The following RIMS2 variants were observed in gnomAD, a reference collection of about 807,000 sequenced individuals.
RIMS2 encodes regulating synaptic membrane exocytosis 2.
Under a neutral mutation model 174.4 loss-of-function variants are expected in RIMS2, and 59 were observed. The observed-to-expected ratio is 0.34, with a 90% CI of 0.27 to 0.42. The LOEUF (loss-of-function observed/expected upper bound fraction) is 0.42. Ranked by LOEUF, RIMS2 falls within the 10% of genes least tolerant of loss-of-function variation. RIMS2 has a pLI of 1.00. For synonymous variants in RIMS2, 606 were observed against 572.5 expected, an observed-to-expected ratio of 1.06 and a Z score of -0.84; for missense variants, 1,620 against 1,666.3, an observed-to-expected ratio of 0.97 and a Z score of 0.48.
intron 3 of RIMS2, among the ~76,000 whole-genome samples, chr8:103,810,248 G>A (rs1337287518): frequency 2.0e-5 from 3 of 152,112 alleles, no homozygotes; most frequent in African/African-American, 4.8e-5. Flanking sequence ...CTCCTTAGAA[G>A]CAATTGTATT....
chr8:103,936,730 GA>G lies in RIMS2; in HGVS notation c.2547+9del. On this transcript the variant is annotated intron_variant, in intron 13 of 23. Transcript: ENST00000504942. ...AGTGAATTCTTAGGCGAGGTATCTGGAGTTGTTTTAAAGTTTATGCTATTCA... is the reference window on the plus strand; with the variant it reads ...AGTGAATTCTTAGGCGAGGTATCTGGGTTGTTTTAAAGTTTATGCTATTCA... 6.3e-7 allele frequency: 1 copy of G among 1,592,172 alleles called. No homozygotes were observed.
At chr8:103,811,407 A>G (rs11774671) in intron 3 of RIMS2, among the ~76,000 whole-genome samples, 19,901 of 152,052 alleles carry the variant, frequency 0.13, 1,763 homozygotes, top group Non-Finnish European at 0.2. Flanking sequence ...CAAGAAATAT[A>G]TTTCTGCTGT....
intron 16 of RIMS2, among the ~76,000 whole-genome samples, chr8:103,979,585 G>C (rs889166764): frequency 6.6e-6 from 1 of 152,178 alleles, no homozygotes; most frequent in African/African-American, 2.4e-5. Flanking sequence ...AATTTTACCA[G>C]CTATCTGCAC....
chr8:103,936,693 C>G lies in RIMS2; in HGVS notation c.2518C>G (p.Arg840Gly), dbSNP rs561377229. Residue 840 changes from arginine to glycine, a missense_variant, in exon 13 of 24, where the codon CGA (arginine) becomes GGA (glycine). Transcript: ENST00000504942. Reference sequence around the variant, plus strand: ...TACCCTTTGGGATCAAGCTCGTGTTCGAGAGGAAGAAAGTGAATTCTTAGG... The same window carrying G: ...TACCCTTTGGGATCAAGCTCGTGTTGGAGAGGAAGAAAGTGAATTCTTAGG... 3.1e-6 allele frequency: 5 copies of G among 1,606,562 alleles called. No homozygotes were observed. In the East Asian group the frequency reaches 9.0e-5, roughly 29 times the overall value.
At chr8:104,251,419 C>T (rs2099358793) in intron 23 of RIMS2, among the ~76,000 whole-genome samples, 183 bp from the exon 30 acceptor site, 1 of 152,212 alleles carries the variant, frequency 6.6e-6, no homozygotes, top group African/African-American at 2.4e-5. Flanking sequence ...TGCTTCAGTA[C>T]AATTTCCCCA....
At chr8:103,964,680 G>A (rs1290302330) in intron 15 of RIMS2, among the ~76,000 whole-genome samples, 1 of 152,064 alleles carries the variant, frequency 6.6e-6, no homozygotes, top group Non-Finnish European at 1.5e-5. Context: ...TGAAATTCAG[G>A]TTATTAATCA....
intron 14 of RIMS2, among the ~76,000 whole-genome samples, chr8:103,949,974 CAGTA>C (rs1241723310): frequency 6.6e-6 from 1 of 151,992 alleles, no homozygotes; most frequent in Non-Finnish European, 1.5e-5. Context: ...ATTAAAAAGA[CAGTA>C]AGGGAAAATT....
At chr8:103,500,879 C>T in exon 1 of RIMS2, 3 of 1,585,458 alleles carry the variant, frequency 1.9e-6, no homozygotes, top group Non-Finnish European at 2.6e-6. Flanking sequence ...GGTTCGGCTC[C>T]ACCAAACATG....
chr8:103,739,460 A>G (rs1400498738), intron 2 of RIMS2, among the ~76,000 whole-genome samples: 1 of 152,204 alleles, frequency 6.6e-6, no homozygotes, highest in African/African-American at 2.4e-5. Flanking sequence ...GCACACCAAC[A>G]TGGCACATGT....
intron 1 of RIMS2, among the ~76,000 whole-genome samples, chr8:103,516,676 A>T (rs904512278): frequency 6.6e-6 from 1 of 152,158 alleles, no homozygotes; most frequent in Non-Finnish European, 1.5e-5. Flanking sequence ...TACATACTTT[A>T]TGTGCTGGAA....
chr8:104,022,200 C>T (rs1288055842), intron 19 of RIMS2, among the ~76,000 whole-genome samples: 1 of 152,118 alleles, frequency 6.6e-6, no homozygotes, highest in East Asian at 1.9e-4. Flanking sequence ...TCAGGCCCGT[C>T]TCATAATCCT....
chr8:103,940,192 GA>G (rs1478050452), intron 13 of RIMS2, among the ~76,000 whole-genome samples: 2 of 152,076 alleles, frequency 1.3e-5, no homozygotes, highest in African/African-American at 4.8e-5. Flanking sequence ...GGAAGAAAAA[GA>G]GTTTTAACAG....
chr8:104,132,317 A>C (rs561590580), intron 19 of RIMS2, among the ~76,000 whole-genome samples: 16 of 152,278 alleles, frequency 1.1e-4, no homozygotes, highest in African/African-American at 3.8e-4. Flanking sequence ...ATTATATTCC[A>C]TAATATCTAT....
chr8:103,534,381 A>G (rs1023409146), intron 1 of RIMS2, among the ~76,000 whole-genome samples: 2 of 152,210 alleles, frequency 1.3e-5, no homozygotes, highest in African/African-American at 4.8e-5. Flanking sequence ...AGACATATAC[A>G]TATTTCAAAA....
At chr8:104,213,888 A>AAGAAGAAG (rs1554626688) in intron 19 of RIMS2, among the ~76,000 whole-genome samples, 2 of 148,108 alleles carry the variant, frequency 1.4e-5, no homozygotes, top group African/African-American at 5.1e-5. Flanking sequence ...AAAAAAAAAA[A>AAGAAGAAG]AAGAAGAAGA....
At chr8:103,961,584 T>G (rs1032788476) in intron 15 of RIMS2, among the ~76,000 whole-genome samples, 2 of 152,156 alleles carry the variant, frequency 1.3e-5, no homozygotes. Context: ...GAAATTATAG[T>G]ATTGTAGTTT....
intron 3 of RIMS2, among the ~76,000 whole-genome samples, chr8:103,876,773 C>G (rs563000514): frequency 1.4e-5 from 2 of 148,144 alleles, no homozygotes; most frequent in East Asian, 4.1e-4. Flanking sequence ...GCCATTATTA[C>G]GTTCCTTTTT....
At chr8:104,171,682 G>A (rs1426719448) in intron 19 of RIMS2, among the ~76,000 whole-genome samples, 4 of 151,980 alleles carry the variant, frequency 2.6e-5, no homozygotes, top group East Asian at 1.9e-4. Flanking sequence ...ACAGGGGAGC[G>A]AGTATGATCT....
intron 4 of RIMS2, among the ~76,000 whole-genome samples, chr8:103,900,764 A>G (rs1251229989): frequency 6.6e-6 from 1 of 152,042 alleles, no homozygotes; most frequent in South Asian, 2.1e-4. Flanking sequence ...TTCACTTTCC[A>G]TGATGTTAGA....
Sources: gnomAD v4.1 joint callset for allele counts (sites outside exome capture counted in the v4.1 genomes callset) on GRCh38, gnomAD v4.1.1 for gene constraint, MANE v1.5 for transcripts, NCBI Gene and HGNC (gene_info 2026-07-23, HGNC 2026-07-21) for gene names.